RAB10: variants seen among roughly 807,000 people sequenced by gnomAD.
RAB10 encodes RAB10, member RAS oncogene family, also known as ras-related protein Rab-10.
RAB10 carries 5 observed loss-of-function variants against 25.7 expected under a neutral mutation model. The ratio of observed to expected loss-of-function variants is 0.19; its 90% CI spans 0.10 to 0.41. RAB10 has a LOEUF of 0.41. Ranked by LOEUF, RAB10 falls within the 10% of genes least tolerant of loss-of-function variation. RAB10 has a pLI of 1.00. For synonymous variants in RAB10, 89 were observed against 86.4 expected, an observed-to-expected ratio of 1.03 and a Z score of -0.16; for missense variants, 103 against 245.8, an observed-to-expected ratio of 0.42 and a Z score of 3.89.
At chr2:26,083,393 T>C (rs1666910445) in intron 1 of RAB10, among the ~76,000 whole-genome samples, 1 of 147,074 alleles carries the variant, frequency 6.8e-6, no homozygotes, top group African/African-American at 2.5e-5. Flanking sequence ...CTCTCTTCTC[T>C]CCCCTCCCCT....
At chr2:26,109,078 A>G (rs1667522054) in intron 2 of RAB10, among the ~76,000 whole-genome samples, 1 of 151,512 alleles carries the variant, frequency 6.6e-6, no homozygotes, top group African/African-American at 2.4e-5. Context: ...TGCCGGGCTA[A>G]TTTTTGTATT....
At chr2:26,091,555 A>G (rs550207394) in intron 1 of RAB10, among the ~76,000 whole-genome samples, 1 of 152,274 alleles carries the variant, frequency 6.6e-6, no homozygotes, top group South Asian at 2.1e-4. Context: ...GAGAATATGT[A>G]GGGCCTTATT....
In RAB10 at chr2:26,034,459, C is replaced by T. The variant is rs1456899581; in HGVS notation, c.-150C>T. The T allele has an allele frequency of 1.9e-6, 2 of 1,052,714 alleles. No individual in the cohort carries two copies. The highest frequency in any genetic ancestry group is 6.3e-4 in the Middle Eastern group (2 of 3,196). 65.2% of individuals were successfully genotyped at this position (1,052,714 alleles called of 1,614,324 possible). On this transcript the variant is annotated 5_prime_UTR_variant, in exon 1 of 6. Coordinates refer to ENST00000264710, the MANE Select transcript of RAB10 (RefSeq NM_016131.5). ...CGCCACTGTCGGGGCTTCCTCAAAG[C>T]TGTTCGTAGGTCGCCCGCGCCGTCT... is the stretch of plus-strand genomic sequence containing the variant.
intron 1 of RAB10, among the ~76,000 whole-genome samples, chr2:26,056,208 T>C (rs539796574): frequency 1.3e-5 from 2 of 152,122 alleles, no homozygotes; most frequent in Non-Finnish European, 1.5e-5. Flanking sequence ...TTCTCTTTTT[T>C]CCTTTTTTTG....
chr2:26,073,130 A>G (rs766747867), intron 1 of RAB10, among the ~76,000 whole-genome samples: 3 of 152,204 alleles, frequency 2.0e-5, no homozygotes, highest in East Asian at 1.9e-4. Flanking sequence ...ATTGGTAGTT[A>G]GTGTCCCATC....
At chr2:26,126,092 A>G (rs1460004264) in intron 3 of RAB10, among the ~76,000 whole-genome samples, 1 of 152,172 alleles carries the variant, frequency 6.6e-6, no homozygotes, top group Non-Finnish European at 1.5e-5. Flanking sequence ...TGGTTTTCCT[A>G]GTGCTATTTA....
intron 1 of RAB10, among the ~76,000 whole-genome samples, chr2:26,093,384 A>T (rs1341916643): frequency 6.6e-6 from 1 of 152,216 alleles, no homozygotes; most frequent in Non-Finnish European, 1.5e-5. Flanking sequence ...ATGGAAAGAC[A>T]ATGTCAGCAA....
chr2:26,094,766 C>T (rs1667176616), intron 1 of RAB10, among the ~76,000 whole-genome samples: 1 of 152,114 alleles, frequency 6.6e-6, no homozygotes, highest in African/African-American at 2.4e-5. Context: ...ACCACATTGG[C>T]CAGGCTAGTC....
At chr2:26,113,775 A>AAGCCATCC in intron 3 of RAB10, among the ~76,000 whole-genome samples, 1 of 151,830 alleles carries the variant, frequency 6.6e-6, no homozygotes, top group Non-Finnish European at 1.5e-5. Context: ...GAAAGAAAAA[A>AAGCCATCC]AGCCATCCAG....
At chr2:26,033,998 C>A, upstream of RAB10, 1 of 398,416 alleles carries the variant, frequency 2.5e-6, no homozygotes, top group Non-Finnish European at 4.4e-6. Context: ...CACTTCGGCG[C>A]GCCCCCATGC....
intron 1 of RAB10, among the ~76,000 whole-genome samples, chr2:26,053,496 G>T (rs541773425): frequency 1.3e-5 from 2 of 152,086 alleles, no homozygotes; most frequent in Non-Finnish European, 2.9e-5. Context: ...AAGTGATTCG[G>T]CAAATTCATA....
chr2:26,062,440 G>A (rs1376878486), intron 1 of RAB10, among the ~76,000 whole-genome samples: 2 of 152,090 alleles, frequency 1.3e-5, no homozygotes, highest in Non-Finnish European at 2.9e-5. Context: ...CACTTTGGGA[G>A]ACTGAGGCAG....
intron 1 of RAB10, among the ~76,000 whole-genome samples, chr2:26,071,321 G>A (rs1285742841): frequency 6.6e-6 from 1 of 152,180 alleles, no homozygotes; most frequent in African/African-American, 2.4e-5. Flanking sequence ...TCAGACTTGA[G>A]TCCTTGGCAG....
intron 3 of RAB10, among the ~76,000 whole-genome samples, chr2:26,119,716 AC>A (rs1269564111): frequency 2.6e-5 from 4 of 152,148 alleles, no homozygotes; most frequent in African/African-American, 9.7e-5. Flanking sequence ...ATGGGGTCTT[AC>A]TGTGTTGCCC....
chr2:26,049,566 G>A (rs1345107066), intron 1 of RAB10, among the ~76,000 whole-genome samples: 1 of 151,820 alleles, frequency 6.6e-6, no homozygotes, highest in African/African-American at 2.4e-5. Context: ...GCACCACCAC[G>A]CCTGGCTAAT....
intron 3 of RAB10, among the ~76,000 whole-genome samples, chr2:26,110,739 T>G (rs1667552722): frequency 2.6e-5 from 4 of 152,174 alleles, no homozygotes; most frequent in Admixed American, 2.6e-4. Context: ...AGAGTCTCAC[T>G]TCATCACCCA....
chr2:26,091,741 GA>G (rs969100084), intron 1 of RAB10, among the ~76,000 whole-genome samples: 3 of 152,152 alleles, frequency 2.0e-5, no homozygotes, highest in African/African-American at 7.2e-5. Context: ...ATAGAAAAGA[GA>G]AGTCCACTTC....
upstream of RAB10, among the ~76,000 whole-genome samples, chr2:26,033,586 G>A (rs1665679834): frequency 6.6e-6 from 1 of 152,244 alleles, no homozygotes; most frequent in African/African-American, 2.4e-5. Context: ...GACCCAGGGC[G>A]CGGCTTTTTC....
At chr2:26,041,404 G>C (rs1251355086) in intron 1 of RAB10, among the ~76,000 whole-genome samples, 5 of 151,736 alleles carry the variant, frequency 3.3e-5, no homozygotes, top group Non-Finnish European at 5.9e-5. Flanking sequence ...AGCTAGGCAT[G>C]GTGGTGTGTG....
Sources: allele counts gnomAD v4.1 joint callset (sites outside exome capture counted in the v4.1 genomes callset), GRCh38; gene constraint gnomAD v4.1.1; transcripts MANE v1.5; gene names NCBI Gene and HGNC (gene_info 2026-07-23, HGNC 2026-07-21).